The following MOXD1 variants were observed in gnomAD, a reference collection of about 807,000 sequenced individuals.
MOXD1 encodes DBH-like monooxygenase protein 1.
In MOXD1, 62 loss-of-function variants were observed where a neutral mutation model predicts 66.6. That is an observed-to-expected ratio of 0.93 (90% CI 0.76 to 1.15). The LOEUF (loss-of-function observed/expected upper bound fraction) is 1.15. Ranked by LOEUF, MOXD1 falls within the 50% of genes most tolerant of loss-of-function variation. MOXD1 has a pLI of 0.00. For synonymous variants in MOXD1, 303 were observed against 281.9 expected, an observed-to-expected ratio of 1.07 and a Z score of -0.75; for missense variants, 847 against 754.6, an observed-to-expected ratio of 1.12 and a Z score of -1.44.
intron 4 of MOXD1, among the ~76,000 whole-genome samples, chr6:132,350,863 A>C (rs1219077862): frequency 6.6e-6 from 1 of 151,572 alleles, no homozygotes; most frequent in Non-Finnish European, 1.5e-5. Context: ...TATATTTCTA[A>C]GTTTTTTGTT....
chr6:132,377,902 T>C (rs563417705), intron 1 of MOXD1, among the ~76,000 whole-genome samples: 82 of 151,080 alleles, frequency 5.4e-4, no homozygotes, highest in African/African-American at 1.8e-3. Context: ...CCAAGGGGGG[T>C]GGATCACCTG....
At chr6:132,344,574 T>C (rs1775631912) in intron 4 of MOXD1, among the ~76,000 whole-genome samples, 1 of 152,216 alleles carries the variant, frequency 6.6e-6, no homozygotes, top group African/African-American at 2.4e-5. Flanking sequence ...TGAGAACCTC[T>C]GTTCCCATTT....
intron 10 of MOXD1, among the ~76,000 whole-genome samples, chr6:132,312,960 A>T (rs1774863679): frequency 6.6e-6 from 1 of 152,190 alleles, no homozygotes; most frequent in South Asian, 2.1e-4. Flanking sequence ...GAAAAAGACT[A>T]CTCAAGGCTA....
chr6:132,363,222 CAA>C (rs71926607), intron 4 of MOXD1, among the ~76,000 whole-genome samples: 33,480 of 137,906 alleles, frequency 0.24, 4,088 homozygotes, highest in African/African-American at 0.34. Flanking sequence ...CAATAAAAAA[CAA>C]AAAAAAAAAA....
At position 132,328,172 on chromosome 6, in the gene MOXD1, T is replaced by C. The variant is rs6938195; in HGVS notation, c.844-57A>G. 3,741 of 1,458,062 alleles carry C rather than the reference T, an allele frequency of 2.6e-3. 84 individuals carry two copies. In the African/African-American group the frequency reaches 0.046, roughly 18 times the overall value. The allele number at this position is 1,458,062 out of a possible 1,614,324, so 90.3% of individuals were successfully genotyped here. A position where few individuals can be genotyped will look rare whatever the true frequency, so the allele number is the denominator to read the frequency against. ...CTATGAAAGTCCCTGAGAGCTCTAT[T>C]CCACTCAAAAACCAGCCATCTTCAA... On this transcript the variant is annotated intron_variant, in intron 5 of 11. Coordinates refer to ENST00000367963, the MANE Select transcript of MOXD1 (RefSeq NM_015529.4).
chr6:132,300,808 A>G (rs1774517627), intron 10 of MOXD1, among the ~76,000 whole-genome samples: 1 of 152,176 alleles, frequency 6.6e-6, no homozygotes, highest in African/African-American at 2.4e-5. Context: ...GGATGTGGTC[A>G]TCAACCTTTC....
intron 1 of MOXD1, among the ~76,000 whole-genome samples, chr6:132,387,433 T>G (rs1776673945): frequency 6.6e-6 from 1 of 151,202 alleles, no homozygotes; most frequent in Non-Finnish European, 1.5e-5. Context: ...GTCCTCATTA[T>G]GTAACCTAAT....
chr6:132,297,076 G>A lies in MOXD1; in HGVS notation c.*77C>T. On this transcript the variant is annotated 3_prime_UTR_variant, in exon 12 of 12. Transcript: ENST00000367963. ...TCTCCACACTCTTCATGCCCAAAGTGGACACAGTCTTTAACCTGTACTTCA... is the reference window on the plus strand; with the variant it reads ...TCTCCACACTCTTCATGCCCAAAGTAGACACAGTCTTTAACCTGTACTTCA... 5 of 1,462,376 alleles carry A rather than the reference G, an allele frequency of 3.4e-6. No individual in the cohort carries two copies. Among genetic ancestry groups the A allele is most frequent in the Non-Finnish European group, 4.7e-6 (5 of 1,072,394 alleles). The allele number at this position is 1,462,376 out of a possible 1,614,324, so 90.6% of individuals were successfully genotyped here.
At chr6:132,327,937 CA>C in intron 6 of MOXD1, 75 bp downstream of exon 6, 1 of 1,162,226 alleles carries the variant, frequency 8.6e-7, no homozygotes, top group Non-Finnish European at 1.3e-6. Context: ...TATTTTGTTT[CA>C]ACTCTGTTAA....
rs1158339059 is a variant in MOXD1 at position 132,303,835 on chromosome 6, GTATATATATATATA to G, written c.1509-5894_1509-5881del. 8.5e-3 allele frequency among the ~76,000 whole-genome samples: 402 copies of G among 47,552 alleles called. 3 individuals carry two copies. Among genetic ancestry groups the G allele is most frequent in the Middle Eastern group, 0.015 (1 of 68 alleles). 31.2% of individuals were successfully genotyped at this position (47,552 alleles called of 152,430 possible). A position where few individuals can be genotyped will look rare whatever the true frequency, so the allele number is the denominator to read the frequency against. ...TGTGTGTGTGTGTGTGTGTGTGTGT[GTATATATATATATA>G]TATATATATATATATATATATATAT... On this transcript the variant is annotated intron_variant, in intron 10 of 11. Coordinates refer to ENST00000367963, the MANE Select transcript of MOXD1 (RefSeq NM_015529.4).
At chr6:132,351,400 A>C (rs1193928744) in intron 4 of MOXD1, among the ~76,000 whole-genome samples, 2 of 152,132 alleles carry the variant, frequency 1.3e-5, no homozygotes, top group Admixed American at 6.6e-5. Flanking sequence ...TGAGATGATC[A>C]GGTGATTTTT....
intron 1 of MOXD1, among the ~76,000 whole-genome samples, chr6:132,398,590 G>A (rs147307614): frequency 6.6e-6 from 1 of 152,204 alleles, no homozygotes; most frequent in East Asian, 1.9e-4. Context: ...CTCGCCGGGA[G>A]CAAAATTACA....
rs1192086469 is a variant in MOXD1 at position 132,372,639 on chromosome 6, G to C, written c.632C>G (p.Pro211Arg). 1 of 1,613,840 alleles carries C rather than the reference G, an allele frequency of 6.2e-7. No homozygotes were observed. The highest frequency in any genetic ancestry group is 1.7e-5 in the Admixed American group (1 of 60,008). Residue 211 changes from proline to arginine, a missense_variant, in exon 4 of 12, where the codon CCT becomes CGT. Coordinates refer to ENST00000367963, the MANE Select transcript of MOXD1 (RefSeq NM_015529.4). ...TTYWCQMFKI[P>R]VFQEKHHVIK... ...TACATGATGCTTTTCTTGGAACACA[G>C]GAATCTTAAACATTTGGCACCAATA...
rs892731593 is a variant in MOXD1 at position 132,365,134 on chromosome 6, T to C, written c.663+7474A>G. Among the ~76,000 whole-genome samples the C allele has an allele frequency of 3.4e-5, 5 of 147,258 alleles. No individual in the cohort carries two copies. In the South Asian group the frequency reaches 1.1e-3, roughly 33 times the overall value. On this transcript the variant is annotated intron_variant, in intron 4 of 11. Coordinates refer to ENST00000367963, the MANE Select transcript of MOXD1 (RefSeq NM_015529.4). ...TAAAGATAAAAAAGTGAGTGTTGTA[T>C]AGCCCAGAAATAAGAAAGTCTATGA...
intron 4 of MOXD1, among the ~76,000 whole-genome samples, chr6:132,329,253 T>C (rs9321337): frequency 6.6e-6 from 1 of 151,934 alleles, no homozygotes; most frequent in African/African-American, 2.4e-5. Flanking sequence ...GCTGAGAATG[T>C]TGGTTTCCAG....
chr6:132,322,479 AT>A (rs1775095793), intron 8 of MOXD1, among the ~76,000 whole-genome samples, 199 bp downstream of exon 8: 2 of 152,192 alleles, frequency 1.3e-5, no homozygotes, highest in Non-Finnish European at 2.9e-5. Context: ...GCTCCTGGGA[AT>A]TATAAGAAAA....
At chr6:132,362,906 CTTACT>C (rs1441133743) in intron 4 of MOXD1, among the ~76,000 whole-genome samples, 5 of 152,168 alleles carry the variant, frequency 3.3e-5, no homozygotes, top group African/African-American at 9.7e-5. Flanking sequence ...TTACTCTAAT[CTTACT>C]TTAAAGACTT....
At chr6:132,304,962 CA>C (rs1432907045) in intron 10 of MOXD1, among the ~76,000 whole-genome samples, 3 of 152,062 alleles carry the variant, frequency 2.0e-5, no homozygotes, top group African/African-American at 7.2e-5. Flanking sequence ...TAAACTTAGC[CA>C]ACAGTCTCTC....
At chr6:132,355,576 T>C (rs910361778) in intron 4 of MOXD1, among the ~76,000 whole-genome samples, 1 of 152,180 alleles carries the variant, frequency 6.6e-6, no homozygotes, top group African/African-American at 2.4e-5. Context: ...AAGCCCAGTC[T>C]AGACTTCTAG....
Sources: allele counts gnomAD v4.1 joint callset (sites outside exome capture counted in the v4.1 genomes callset), GRCh38; gene constraint gnomAD v4.1.1; transcripts MANE v1.5; gene names NCBI Gene and HGNC (gene_info 2026-07-23, HGNC 2026-07-21).